Variants in TENM2 observed in about 807,000 individuals in gnomAD.
The protein encoded by TENM2 is teneurin transmembrane protein 2.
In TENM2, 52 loss-of-function variants were observed where a neutral mutation model predicts 245.2. The observed-to-expected ratio is 0.21, with a 90% CI of 0.17 to 0.27. The LOEUF is 0.27. Among genes scored for constraint, TENM2 ranks in the 10% least tolerant of loss-of-function variants. The probability of loss-of-function intolerance (pLI) is 1.00; values close to 1 mark genes in which losing one functional copy is unlikely to be tolerated. For missense variants in TENM2, 3,046 were observed against 3,666.8 expected (o/e 0.83, Z 4.37); for synonymous variants, 1,363 against 1,438.9 (o/e 0.95, Z 1.19).
the TENM2 span, among the ~76,000 whole-genome samples, chr5:167,038,755 T>C: frequency 6.6e-6 from 1 of 152,184 alleles, no homozygotes; most frequent in East Asian, 1.9e-4. Flanking sequence ...CTTACCTCTT[T>C]GCTTTTAGAG....
At chr5:167,153,580 G>A in the TENM2 span, among the ~76,000 whole-genome samples, 2 of 151,830 alleles carry the variant, frequency 1.3e-5, no homozygotes, top group African/African-American at 4.8e-5. Context: ...ATAATTCCCC[G>A]TATAAGTGGA....
intron 2 of TENM2, among the ~76,000 whole-genome samples, chr5:167,781,537 T>C (rs1031106205): frequency 6.6e-6 from 1 of 152,086 alleles, no homozygotes; most frequent in African/African-American, 2.4e-5. Context: ...CTCCTTAGAG[T>C]CTAGCCCTAT....
At chr5:167,541,258 A>T (rs1231098654) in intron 2 of TENM2, among the ~76,000 whole-genome samples, 1 of 152,094 alleles carries the variant, frequency 6.6e-6, no homozygotes, top group Non-Finnish European at 1.5e-5. Flanking sequence ...ACTCGTAAAA[A>T]TCTCTGTTCA....
chr5:167,330,525 C>T (rs1434464675), intron 1 of TENM2, among the ~76,000 whole-genome samples: 1 of 152,020 alleles, frequency 6.6e-6, no homozygotes, highest in Admixed American at 6.6e-5. Flanking sequence ...GCTGTTTTCA[C>T]AGAGAGTAGT....
At chr5:167,405,278 G>T (rs927568925) in intron 2 of TENM2, among the ~76,000 whole-genome samples, 2 of 151,778 alleles carry the variant, frequency 1.3e-5, no homozygotes, top group Non-Finnish European at 2.9e-5. Context: ...ATAGCATGGT[G>T]CAAAATAGGC....
At chr5:168,034,059 A>G (rs1159454365) in intron 5 of TENM2, among the ~76,000 whole-genome samples, 1 of 146,556 alleles carries the variant, frequency 6.8e-6, no homozygotes, top group Non-Finnish European at 1.5e-5. Context: ...GTATATATAT[A>G]TATATGTGTA....
chr5:167,275,981 A>G, the TENM2 span, among the ~76,000 whole-genome samples: 1 of 151,958 alleles, frequency 6.6e-6, no homozygotes, highest in Non-Finnish European at 1.5e-5. Context: ...TAGCCTTTTA[A>G]TACAATGAAT....
the TENM2 span, among the ~76,000 whole-genome samples, chr5:167,267,424 A>G: frequency 6.6e-6 from 1 of 152,150 alleles, no homozygotes; most frequent in Non-Finnish European, 1.5e-5. Flanking sequence ...AAGAAGCCAG[A>G]TTCACTTTCC....
At chr5:167,298,790 G>A (rs1755125807) in intron 1 of TENM2, among the ~76,000 whole-genome samples, 2 of 152,196 alleles carry the variant, frequency 1.3e-5, no homozygotes, top group African/African-American at 4.8e-5. Flanking sequence ...GGCAGTTTGG[G>A]GATAGCACGA....
chr5:167,933,935 CATT>C (rs1366622043), intron 3 of TENM2, among the ~76,000 whole-genome samples: 3 of 152,316 alleles, frequency 2.0e-5, no homozygotes, highest in Admixed American at 1.3e-4. Flanking sequence ...TTATTATTAT[CATT>C]ATCATCAATA....
At chr5:167,860,436 G>A (rs1486945156) in intron 2 of TENM2, among the ~76,000 whole-genome samples, 31 of 114,052 alleles carry the variant, frequency 2.7e-4, no homozygotes, top group African/African-American at 1.3e-3. Flanking sequence ...CAGCCCCCCT[G>A]CCCGGCCAGC....
At chr5:167,085,455 C>T in the TENM2 span, among the ~76,000 whole-genome samples, 1 of 152,160 alleles carries the variant, frequency 6.6e-6, no homozygotes, top group Non-Finnish European at 1.5e-5. Context: ...AATGATTACA[C>T]TGGCCTTTCC....
chr5:167,425,795 CT>C (rs1763779369), intron 2 of TENM2, among the ~76,000 whole-genome samples: 1 of 152,104 alleles, frequency 6.6e-6, no homozygotes, highest in South Asian at 2.1e-4. Context: ...ATGATGACAC[CT>C]ATTTCATGGG....
At chr5:168,006,096 G>T (rs1784798608) in intron 5 of TENM2, among the ~76,000 whole-genome samples, 1 of 152,180 alleles carries the variant, frequency 6.6e-6, no homozygotes, top group Non-Finnish European at 1.5e-5. Flanking sequence ...AAAATCCTCT[G>T]ACTTAGATTA....
At chr5:167,884,996 C>G (rs1288360578) in intron 3 of TENM2, among the ~76,000 whole-genome samples, 1 of 152,132 alleles carries the variant, frequency 6.6e-6, no homozygotes, top group Non-Finnish European at 1.5e-5. Flanking sequence ...TTGCATTTCT[C>G]TAATGATTAG....
chr5:167,288,411 T>C (rs1015607543), intron 1 of TENM2, among the ~76,000 whole-genome samples: 1 of 151,792 alleles, frequency 6.6e-6, no homozygotes, highest in Non-Finnish European at 1.5e-5. Flanking sequence ...TACAAAAAAT[T>C]AGTCGGGCGC....
chr5:167,091,978 C>G, the TENM2 span, among the ~76,000 whole-genome samples: 8 of 152,224 alleles, frequency 5.3e-5, no homozygotes, highest in Middle Eastern at 3.4e-3. Flanking sequence ...TATTGTCTAT[C>G]GGCATGTCAT....
At chr5:168,262,223 C>G in exon 29 of TENM2, 1 of 1,604,818 alleles carries the variant, frequency 6.2e-7, no homozygotes, top group Non-Finnish European at 8.5e-7. Flanking sequence ...CAAAGAAGGG[C>G]GGGTGACCAC....
At chr5:167,479,438 A>G (rs1427932660) in intron 2 of TENM2, among the ~76,000 whole-genome samples, 6 of 152,190 alleles carry the variant, frequency 3.9e-5, no homozygotes, top group Non-Finnish European at 8.8e-5. Flanking sequence ...TTAAAGGACA[A>G]ACTCATTGGC....
Sources: allele counts gnomAD v4.1 joint callset (sites outside exome capture counted in the v4.1 genomes callset), GRCh38; gene constraint gnomAD v4.1.1; transcripts MANE v1.5; gene names NCBI Gene and HGNC (gene_info 2026-07-23, HGNC 2026-07-21).